DPY19L2: variants seen among roughly 807,000 people sequenced by gnomAD.
DPY19L2 encodes probable C-mannosyltransferase DPY19L2.
DPY19L2 carries 34 observed loss-of-function variants against 97.9 expected under a neutral mutation model. The observed-to-expected ratio is 0.35, with a 90% CI of 0.26 to 0.46. The LOEUF (loss-of-function observed/expected upper bound fraction) is 0.46, where lower values mean the gene tolerates loss of function less well. Ranked by LOEUF, DPY19L2 falls within the 20% of genes least tolerant of loss-of-function variation. The probability of loss-of-function intolerance (pLI) is 1.00; values close to 1 mark genes in which losing one functional copy is unlikely to be tolerated. For synonymous variants in DPY19L2, 230 were observed against 307.9 expected (o/e 0.75, Z 2.65); for missense variants, 623 against 911.4 (o/e 0.68, Z 4.07).
chr12:63,613,364 C>T (rs1187488133), intron 11 of DPY19L2, among the ~76,000 whole-genome samples: 2 of 152,070 alleles, frequency 1.3e-5, no homozygotes, highest in African/African-American at 2.4e-5. Context: ...TATAATGCAG[C>T]ACATTAACAA....
intron 9 of DPY19L2, among the ~76,000 whole-genome samples, chr12:63,620,386 C>CTTCAT (rs1565780165): frequency 6.6e-6 from 1 of 152,090 alleles, no homozygotes; most frequent in Non-Finnish European, 1.5e-5. Context: ...AGGATTGGCC[C>CTTCAT]TTGGCATGCT....
In DPY19L2 at chr12:63,582,455, A is replaced by G. The variant is rs1881098775; in HGVS notation, c.1676T>C (p.Phe559Ser). 1 of 1,613,654 alleles carries G rather than the reference A, an allele frequency of 6.2e-7. No homozygotes were observed. Among genetic ancestry groups the G allele is most frequent in the Non-Finnish European group, 8.5e-7 (1 of 1,179,704 alleles). The change falls in exon 18 of 22, where the codon TTT becomes TCT. Residue 559 changes from phenylalanine to serine, a missense_variant. Phe to Ser is a radical substitution (Grantham distance 155, BLOSUM62 -2). This residue lies in a region of DPY19L2 where 294 missense variants were observed against 446.2 expected (regional missense o/e 0.66). Coordinates refer to ENST00000324472, the MANE Select transcript of DPY19L2 (RefSeq NM_173812.5). ...LAILIMRLKM[F>S]LTPHMCVMAS... is the part of the protein sequence containing the mutation. The stretch of plus-strand genomic sequence containing the variant: ...CATAACACACATGTGCGGTGTCAAA[A>G]ACATCTTTAGCCTCATAATTAAAAT...
At chr12:63,590,907 T>C (rs1310297323) in intron 16 of DPY19L2, 1 of 354,034 alleles carries the variant, frequency 2.8e-6, no homozygotes, top group Non-Finnish European at 5.8e-6. Context: ...GACTTCCATA[T>C]TCTGAGTAAT....
intron 16 of DPY19L2, among the ~76,000 whole-genome samples, chr12:63,588,267 G>T (rs1279338995): frequency 6.6e-6 from 1 of 152,128 alleles, no homozygotes. Flanking sequence ...TTCGGTTGAA[G>T]CCAATGTTCA....
chr12:63,665,991 T>G, intron 1 of DPY19L2, 132 bp from the exon 2 acceptor site: 1 of 878,652 alleles, frequency 1.1e-6, no homozygotes, highest in South Asian at 1.7e-5. Context: ...CAGCTAATCC[T>G]GTCTCTAAGA....
intron 18 of DPY19L2, 111 bp downstream of exon 18, chr12:63,582,295 T>C (rs1881068869): frequency 8.7e-7 from 1 of 1,153,022 alleles, no homozygotes. Flanking sequence ...TTAGTTAAGT[T>C]AAAAACACTT....
intron 2 of DPY19L2, 112 bp downstream of exon 2, chr12:63,665,723 T>C: frequency 1.1e-6 from 1 of 895,484 alleles, no homozygotes. Flanking sequence ...TTGGTGCACA[T>C]AAAGATGTTC....
At chr12:63,604,023 C>T (rs908890345) in intron 12 of DPY19L2, among the ~76,000 whole-genome samples, 2 of 152,184 alleles carry the variant, frequency 1.3e-5, no homozygotes, top group African/African-American at 2.4e-5. Flanking sequence ...TACAAAAGAA[C>T]TTCAATTAAC....
intron 16 of DPY19L2, among the ~76,000 whole-genome samples, chr12:63,586,629 T>C (rs1460884685): frequency 3.3e-5 from 5 of 152,092 alleles, no homozygotes; most frequent in South Asian, 2.1e-4. Flanking sequence ...CATCTGCAAA[T>C]AATGGGAATA....
At chr12:63,600,443 T>C in intron 12 of DPY19L2, 57 bp from the exon 13 acceptor site, 1 of 1,331,362 alleles carries the variant, frequency 7.5e-7, no homozygotes, top group South Asian at 1.2e-5. Flanking sequence ...AGCTAAAGTA[T>C]TCAATTATGT....
At chr12:63,598,424 A>G (rs900519146) in intron 13 of DPY19L2, among the ~76,000 whole-genome samples, 5 of 152,162 alleles carry the variant, frequency 3.3e-5, no homozygotes, top group African/African-American at 1.2e-4. Flanking sequence ...AAGAATTACA[A>G]TAATTATACA....
intron 18 of DPY19L2, among the ~76,000 whole-genome samples, chr12:63,581,716 C>G (rs1024317384): frequency 6.6e-6 from 1 of 150,948 alleles, no homozygotes; most frequent in Admixed American, 6.6e-5. Flanking sequence ...CTCCTGACCT[C>G]AAGTGATCTG....
chr12:63,582,551 C>A lies in DPY19L2; in HGVS notation c.1606-26G>T, dbSNP rs769461538. 19 of 1,594,366 alleles carry A rather than the reference C, an allele frequency of 1.2e-5. No individual in the cohort carries two copies. The Admixed American group carries it at 2.3e-4, about 20-fold the overall frequency. ...CTATAAAACACAAATAAGACAAAAT[C>A]ACATTTTTACTTTTCATATTTTTAA... is the stretch of plus-strand genomic sequence containing the variant. On this transcript the variant is annotated intron_variant, in intron 17 of 21. Transcript: ENST00000324472.
At chr12:63,578,551 C>A in intron 19 of DPY19L2, among the ~76,000 whole-genome samples, 1 of 152,070 alleles carries the variant, frequency 6.6e-6, no homozygotes, top group Non-Finnish European at 1.5e-5. Flanking sequence ...ATGCCTGTAT[C>A]AAAATATCCC....
chr12:63,606,801 C>T (rs1886116670), intron 12 of DPY19L2, among the ~76,000 whole-genome samples: 1 of 152,122 alleles, frequency 6.6e-6, no homozygotes, highest in African/African-American at 2.4e-5. Context: ...TCTCATGCTT[C>T]ATGATGCACA....
At position 63,647,364 on chromosome 12, in the gene DPY19L2, A is replaced by G. The variant is rs1356160217; in HGVS notation, c.590T>C (p.Val197Ala). 3 of 1,546,018 alleles carry G rather than the reference A, an allele frequency of 1.9e-6. No individual in the cohort carries two copies. The South Asian group carries it at 3.7e-5, about 19-fold the overall frequency. Residue 197 changes from valine (V) to alanine (A), a missense_variant and splice_region_variant, in exon 5 of 22, where the codon GTA (valine) becomes GCA (alanine). Coordinates refer to ENST00000324472, the MANE Select transcript of DPY19L2 (RefSeq NM_173812.5). ...AIKRFHLYPE[V>A]IIASWYCTFM... ...TGTGCAATACCAGGAGGCTATGATT[A>G]CCTTAAAAAAGATAAAAACAAAGAG...
At chr12:63,653,490 G>T (rs1263629597) in intron 4 of DPY19L2, among the ~76,000 whole-genome samples, 1 of 152,124 alleles carries the variant, frequency 6.6e-6, no homozygotes, top group African/African-American at 2.4e-5. Context: ...AGAGGTTGCA[G>T]TGAGCTGAGA....
chr12:63,577,412 CA>C (rs1335144992), intron 19 of DPY19L2, among the ~76,000 whole-genome samples: 1 of 152,024 alleles, frequency 6.6e-6, no homozygotes, highest in Non-Finnish European at 1.5e-5. Flanking sequence ...GAAGCACAGG[CA>C]ACCAAAGCAA....
chr12:63,660,191 A>G lies in DPY19L2; in HGVS notation c.588+1153T>C, dbSNP rs1202232307. ...ACTTCTAGGTATATATCCTAGACAAAATATTGCACATATACAGAAGGAAAC... is the reference window on the plus strand; with the variant it reads ...ACTTCTAGGTATATATCCTAGACAAGATATTGCACATATACAGAAGGAAAC... On this transcript the variant is annotated intron_variant, in intron 4 of 21. Transcript: ENST00000324472. 1.3e-5 allele frequency among the ~76,000 whole-genome samples: 2 copies of G among 152,146 alleles called. 1 individual carries two copies. Among genetic ancestry groups the G allele is most frequent in the Non-Finnish European group, 2.9e-5 (2 of 67,992 alleles).
Sources: gnomAD v4.1 joint callset for allele counts (sites outside exome capture counted in the v4.1 genomes callset) on GRCh38, gnomAD v4.1.1 for gene constraint, gnomAD v4.1.1 regional missense constraint, MANE v1.5 for transcripts, NCBI Gene and HGNC (gene_info 2026-07-23, HGNC 2026-07-21) for gene names.